The following EXT1 variants were observed in gnomAD, a reference collection of about 807,000 sequenced individuals.
EXT1 encodes the protein exostosin glycosyltransferase 1, also known as exostosin-1.
A neutral mutation model predicts 82.5 loss-of-function variants in EXT1; 20 were observed. The ratio of observed to expected loss-of-function variants is 0.24; its 90% CI spans 0.17 to 0.35. The LOEUF (loss-of-function observed/expected upper bound fraction) is 0.35, where lower values mean the gene tolerates loss of function less well. EXT1 is among the 10% of genes least tolerant of loss of function. EXT1 has a pLI of 1.00. For synonymous variants in EXT1, 348 were observed against 350.8 expected (o/e 0.99, Z 0.09); for missense variants, 757 against 936.5 (o/e 0.81, Z 2.50).
At chr8:118,101,500 G>C (rs1817718827) in intron 1 of EXT1, among the ~76,000 whole-genome samples, 1 of 152,194 alleles carries the variant, frequency 6.6e-6, no homozygotes, top group Non-Finnish European at 1.5e-5. Context: ...AACAACCAAA[G>C]AGAAAACAGA....
At chr8:117,891,662 A>C (rs1367320973) in intron 1 of EXT1, among the ~76,000 whole-genome samples, 2 of 152,190 alleles carry the variant, frequency 1.3e-5, no homozygotes, top group Non-Finnish European at 2.9e-5. Context: ...CAGGGGCAGC[A>C]CCACTTGTCA....
At chr8:118,084,228 A>C (rs1375767736) in intron 1 of EXT1, among the ~76,000 whole-genome samples, 1 of 152,202 alleles carries the variant, frequency 6.6e-6, no homozygotes, top group Non-Finnish European at 1.5e-5. Context: ...GTGATCACAG[A>C]GTATACAGAG....
intron 1 of EXT1, among the ~76,000 whole-genome samples, chr8:118,008,834 C>G (rs556843371): frequency 3.9e-5 from 6 of 152,010 alleles, no homozygotes; most frequent in African/African-American, 1.4e-4. Context: ...ACTATCAGTC[C>G]CACCTCACAG....
At chr8:118,041,707 AAGG>A (rs1816533611) in intron 1 of EXT1, among the ~76,000 whole-genome samples, 1 of 151,496 alleles carries the variant, frequency 6.6e-6, no homozygotes, top group Non-Finnish European at 1.5e-5. Flanking sequence ...GGAAGGAAGG[AAGG>A]AAGGAAGGAA....
At chr8:118,021,348 G>A (rs1816100173) in intron 1 of EXT1, among the ~76,000 whole-genome samples, 1 of 152,096 alleles carries the variant, frequency 6.6e-6, no homozygotes, top group Non-Finnish European at 1.5e-5. Flanking sequence ...AATTCTCTCT[G>A]GGTTAACTCA....
In EXT1 at chr8:118,110,930, T is replaced by C. The variant is rs78429222; in HGVS notation, c.117A>G (p.Glu39=). ...GGTGCAAGCCATTCCTACCGCTGTG[T>C]TCTTCTCTCCGGCTGTGGCTCCTCG... ...RASRSHSRRE[E]HSGRNGLHHP... is the part of the protein sequence containing the mutation. Residue 39 remains glutamate (E), a synonymous_variant, in exon 1 of 11, where the codon GAA becomes GAG. Transcript: ENST00000378204. The C allele has an allele frequency of 1.2e-3, 1,973 of 1,613,936 alleles. 20 individuals carry two copies. In the African/African-American group the frequency reaches 0.02, roughly 16 times the overall value.
chr8:117,991,892 T>C (rs1815442409), intron 1 of EXT1, among the ~76,000 whole-genome samples: 1 of 152,158 alleles, frequency 6.6e-6, no homozygotes, highest in South Asian at 2.1e-4. Flanking sequence ...TCACTAAATC[T>C]TGAGTCTAAT....
chr8:117,983,653 C>T (rs550879406), intron 1 of EXT1, among the ~76,000 whole-genome samples: 2 of 152,160 alleles, frequency 1.3e-5, no homozygotes, highest in Non-Finnish European at 2.9e-5. Context: ...GAAGATCTTA[C>T]ATTATCAGCA....
At chr8:117,859,065 G>A (rs547364893) in intron 1 of EXT1, among the ~76,000 whole-genome samples, 1 of 152,128 alleles carries the variant, frequency 6.6e-6, no homozygotes, top group Non-Finnish European at 1.5e-5. Context: ...TTTAAATTAA[G>A]GTATATATAT....
chr8:117,840,618 GAAA>G (rs939631711), intron 1 of EXT1, among the ~76,000 whole-genome samples: 1 of 89,690 alleles, frequency 1.1e-5, no homozygotes, highest in Admixed American at 1.1e-4. Flanking sequence ...ATCTCAAAAA[GAAA>G]AAAAAAAAAA....
chr8:117,944,868 A>T (rs1416212299), intron 1 of EXT1, among the ~76,000 whole-genome samples: 5 of 152,216 alleles, frequency 3.3e-5, no homozygotes, highest in African/African-American at 1.2e-4. Context: ...GTGCTAAAAA[A>T]ATAGATCATC....
chr8:117,859,491 T>C (rs955660702), intron 1 of EXT1, among the ~76,000 whole-genome samples: 1 of 152,220 alleles, frequency 6.6e-6, no homozygotes, highest in Non-Finnish European at 1.5e-5. Flanking sequence ...TCTAGATGGA[T>C]ATGTTAGGTG....
chr8:117,845,557 A>C (rs1156834688), intron 1 of EXT1, among the ~76,000 whole-genome samples: 2 of 3,642 alleles, frequency 5.5e-4, no homozygotes, highest in Non-Finnish European at 8.7e-3. Context: ...AAAAGTAAGT[A>C]AAAAAAAAAA....
At chr8:117,851,755 G>A (rs1250884445) in intron 1 of EXT1, among the ~76,000 whole-genome samples, 2 of 152,022 alleles carry the variant, frequency 1.3e-5, no homozygotes, top group Non-Finnish European at 2.9e-5. Flanking sequence ...CACAGTGCTG[G>A]ATAAAATAAT....
chr8:117,986,779 T>G (rs1424664537), intron 1 of EXT1, among the ~76,000 whole-genome samples: 1 of 152,198 alleles, frequency 6.6e-6, no homozygotes, highest in Non-Finnish European at 1.5e-5. Flanking sequence ...TTGCCAAGTG[T>G]TGATAGGACA....
chr8:117,882,216 G>C (rs529023825), intron 1 of EXT1, among the ~76,000 whole-genome samples: 1 of 152,256 alleles, frequency 6.6e-6, no homozygotes, highest in African/African-American at 2.4e-5. Flanking sequence ...GAGTAGTTGG[G>C]ACTACAGGCA....
At chr8:117,814,257 G>A (rs1013316674) in intron 7 of EXT1, among the ~76,000 whole-genome samples, 4 of 148,026 alleles carry the variant, frequency 2.7e-5, no homozygotes, top group African/African-American at 9.8e-5. Flanking sequence ...GTGTGTGTGT[G>A]TGTGTGGTGG....
chr8:117,910,013 C>G (rs950943096), intron 1 of EXT1, among the ~76,000 whole-genome samples: 2 of 152,188 alleles, frequency 1.3e-5, no homozygotes, highest in Non-Finnish European at 2.9e-5. Context: ...AGTGGTCCAC[C>G]CGTGCCGGCC....
rs1823106425 is a variant in EXT1 at position 117,797,786 on chromosome 8, AATCACAT to A, written c.*1919_*1925del. On this transcript the variant is annotated 3_prime_UTR_variant, in exon 11 of 11. Transcript: ENST00000378204. ...ATTTTTCAACAAATGCCTAAGAGAT[AATCACAT>A]CTACTTAGGGGAAAATGTCACATGT... 6.6e-6 allele frequency: 1 copy of A among 152,208 alleles called. No homozygotes were observed. The highest frequency in any genetic ancestry group is 1.5e-5 in the Non-Finnish European group (1 of 68,038). 9.4% of individuals were successfully genotyped at this position (152,208 alleles called of 1,614,324 possible).
Sources: allele counts gnomAD v4.1 joint callset (sites outside exome capture counted in the v4.1 genomes callset), GRCh38; gene constraint gnomAD v4.1.1; transcripts MANE v1.5; gene names NCBI Gene and HGNC (gene_info 2026-07-23, HGNC 2026-07-21).